Variants in TNFSF4 observed in about 807,000 individuals in gnomAD.
TNFSF4 encodes the protein tumor necrosis factor ligand superfamily member 4.
In TNFSF4, 4 loss-of-function variants were observed where a neutral mutation model predicts 7.3. The observed-to-expected ratio is 0.55, with a 90% CI of 0.27 to 1.25. The LOEUF (loss-of-function observed/expected upper bound fraction) is 1.25. Among genes scored for constraint, TNFSF4 ranks in the 50% most tolerant of loss-of-function variants. The pLI is 0.12. For missense variants in TNFSF4, 181 were observed against 208.8 expected, an observed-to-expected ratio of 0.87 and a Z score of 0.82; for synonymous variants, 76 against 83.7, an observed-to-expected ratio of 0.91 and a Z score of 0.50.
At chr1:173,444,469 A>G in the TNFSF4 span, among the ~76,000 whole-genome samples, 3 of 152,076 alleles carry the variant, frequency 2.0e-5, no homozygotes, top group Non-Finnish European at 4.4e-5. Context: ...CACACATAAC[A>G]TTAAGTGCTT....
At chr1:173,280,635 G>A in the TNFSF4 span, among the ~76,000 whole-genome samples, 1 of 151,894 alleles carries the variant, frequency 6.6e-6, no homozygotes, top group African/African-American at 2.4e-5. Context: ...TTTCTCTCCG[G>A]CCCTCATTTT....
At chr1:173,223,080 A>C in the TNFSF4 span, among the ~76,000 whole-genome samples, 1 of 152,320 alleles carries the variant, frequency 6.6e-6, no homozygotes, top group East Asian at 1.9e-4. Flanking sequence ...AGCTTGCCTC[A>C]AGCTTTTCAG....
At chr1:173,348,537 A>G in the TNFSF4 span, among the ~76,000 whole-genome samples, 27 of 152,376 alleles carry the variant, frequency 1.8e-4, 1 homozygote, top group East Asian at 5.2e-3. Context: ...ACCCAAACAT[A>G]AGAAATAAAA....
the TNFSF4 span, among the ~76,000 whole-genome samples, chr1:173,249,955 C>G: frequency 6.6e-6 from 1 of 152,088 alleles, no homozygotes; most frequent in African/African-American, 2.4e-5. Flanking sequence ...TCTATTTCCC[C>G]CCATGGCACA....
At chr1:173,291,179 G>A in the TNFSF4 span, among the ~76,000 whole-genome samples, 5 of 152,098 alleles carry the variant, frequency 3.3e-5, no homozygotes, top group South Asian at 2.1e-4. Flanking sequence ...AAACAGGAGC[G>A]AGCACCTTAC....
the TNFSF4 span, among the ~76,000 whole-genome samples, chr1:173,273,000 G>A: frequency 1.3e-5 from 2 of 152,236 alleles, no homozygotes; most frequent in African/African-American, 4.8e-5. Context: ...AGTCAGAACT[G>A]TGTAAGCGGA....
chr1:173,205,644 G>T, intron 1 of TNFSF4: 1 of 993,190 alleles, frequency 1.0e-6, no homozygotes, highest in Non-Finnish European at 1.2e-6. Context: ...AATGCACTCA[G>T]CTGTTCTATA....
chr1:173,243,589 A>T, the TNFSF4 span, among the ~76,000 whole-genome samples: 1 of 152,210 alleles, frequency 6.6e-6, no homozygotes. Context: ...GCTATCCCCA[A>T]AACAAAACAT....
At chr1:173,204,128 A>C (rs889364236) in intron 1 of TNFSF4, among the ~76,000 whole-genome samples, 13 of 152,172 alleles carry the variant, frequency 8.5e-5, no homozygotes, top group African/African-American at 3.1e-4. Context: ...ATTCCCCTCA[A>C]TCCCTTCTTA....
At chr1:173,278,049 C>T in the TNFSF4 span, among the ~76,000 whole-genome samples, 1 of 152,062 alleles carries the variant, frequency 6.6e-6, no homozygotes, top group African/African-American at 2.4e-5. Context: ...ACAAGATTTG[C>T]TCATCTAAGA....
chr1:173,234,780 A>T, the TNFSF4 span, among the ~76,000 whole-genome samples: 2 of 151,722 alleles, frequency 1.3e-5, no homozygotes, highest in African/African-American at 2.4e-5. Flanking sequence ...AACATCACAC[A>T]CCGGGGCCTG....
chr1:173,415,486 A>G, the TNFSF4 span, among the ~76,000 whole-genome samples: 2 of 152,230 alleles, frequency 1.3e-5, no homozygotes, highest in Non-Finnish European at 2.9e-5. Context: ...GTCAGACTCA[A>G]TCGGAACCAC....
At position 173,186,249 on chromosome 1, in the gene TNFSF4, A is replaced by T; in HGVS notation, c.*267T>A. 2.8e-6 allele frequency: 1 copy of T among 358,360 alleles called. No homozygotes were observed. The highest frequency in any genetic ancestry group is 8.6e-5 in the South Asian group (1 of 11,590). 22.2% of individuals were successfully genotyped at this position (358,360 alleles called of 1,614,324 possible). On this transcript the variant is annotated 3_prime_UTR_variant, in exon 3 of 3. Coordinates refer to ENST00000281834, the MANE Select transcript of TNFSF4 (RefSeq NM_003326.5). Reference sequence around the variant, plus strand: ...GAGGCATCTATTTTTTCTTTCTCACAAAGGTGCCTAGTAGGCTCAAGGCAA... The same window carrying T: ...GAGGCATCTATTTTTTCTTTCTCACTAAGGTGCCTAGTAGGCTCAAGGCAA...
the TNFSF4 span, among the ~76,000 whole-genome samples, chr1:173,224,274 G>A: frequency 6.6e-6 from 1 of 152,176 alleles, no homozygotes; most frequent in Non-Finnish European, 1.5e-5. Flanking sequence ...ATAAACGAGT[G>A]TGGGTAAGTG....
Position 173,204,340 on chromosome 1 carries a change from T to A in TNFSF4, c.153+2684A>T, listed in dbSNP as rs550313948. 9.8e-5 allele frequency among the ~76,000 whole-genome samples: 15 copies of A among 152,308 alleles called. No homozygotes were observed. The East Asian group carries it at 2.9e-3, about 29-fold the overall frequency. ...GGCTCAAAGAGGAAAGTAAATTAGATGAGGAGTGGGTAGGGTCTAACTTTT... is the reference window on the plus strand; with the variant it reads ...GGCTCAAAGAGGAAAGTAAATTAGAAGAGGAGTGGGTAGGGTCTAACTTTT... On this transcript the variant is annotated intron_variant, in intron 1 of 2. Transcript: ENST00000281834.
chr1:173,214,910 A>G, the TNFSF4 span, among the ~76,000 whole-genome samples: 3 of 152,200 alleles, frequency 2.0e-5, no homozygotes, highest in Non-Finnish European at 4.4e-5. Flanking sequence ...TTAAACCAAG[A>G]TCATCTGGGT....
chr1:173,214,805 A>T, the TNFSF4 span, among the ~76,000 whole-genome samples: 2 of 152,134 alleles, frequency 1.3e-5, no homozygotes, highest in Non-Finnish European at 2.9e-5. Flanking sequence ...CTTTCATTCA[A>T]TCCTCCTGCG....
chr1:173,197,407 T>G (rs1649751245), intron 1 of TNFSF4, among the ~76,000 whole-genome samples: 1 of 152,218 alleles, frequency 6.6e-6, no homozygotes, highest in African/African-American at 2.4e-5. Flanking sequence ...GCAGCACTAT[T>G]CACAATAACA....
At chr1:173,359,464 AAG>A in the TNFSF4 span, among the ~76,000 whole-genome samples, 2 of 21,428 alleles carry the variant, frequency 9.3e-5, no homozygotes, top group East Asian at 1.3e-3. Context: ...AAAAAAAAAA[AAG>A]AAAAGAAAAA....
Sources: gnomAD v4.1 joint callset for allele counts (sites outside exome capture counted in the v4.1 genomes callset) on GRCh38, gnomAD v4.1.1 for gene constraint, MANE v1.5 for transcripts, NCBI Gene and HGNC (gene_info 2026-07-23, HGNC 2026-07-21) for gene names.